Variants in NEGR1 observed in about 807,000 individuals in gnomAD.
NEGR1 encodes neuronal growth regulator 1.
In NEGR1, 10 loss-of-function variants were observed where a neutral mutation model predicts 40.9. That is an observed-to-expected ratio of 0.24 (90% confidence interval 0.15 to 0.42). The LOEUF is 0.42. NEGR1 is among the 10% of genes least tolerant of loss of function. The pLI is 1.00. For synonymous variants in NEGR1, 185 were observed against 166.8 expected (o/e 1.11, Z -0.84); for missense variants, 352 against 438.9 (o/e 0.80, Z 1.77).
chr1:71,931,255 C>T (rs1049513960), intron 2 of NEGR1, among the ~76,000 whole-genome samples: 15 of 152,084 alleles, frequency 9.9e-5, no homozygotes, highest in Non-Finnish European at 2.1e-4. Flanking sequence ...AGTGTATTTC[C>T]TTGAAAGGGA....
At chr1:71,658,368 C>G (rs2101588296) in intron 4 of NEGR1, among the ~76,000 whole-genome samples, 1 of 152,162 alleles carries the variant, frequency 6.6e-6, no homozygotes, top group African/African-American at 2.4e-5. Flanking sequence ...ATTAATTTGG[C>G]AATAACTATT....
At chr1:72,050,731 A>T (rs1030055799) in intron 1 of NEGR1, among the ~76,000 whole-genome samples, 2 of 151,456 alleles carry the variant, frequency 1.3e-5, no homozygotes, top group Non-Finnish European at 3.0e-5. Flanking sequence ...CTGTGTTTAT[A>T]ATAGGATATT....
At chr1:71,621,651 C>T (rs902311822) in intron 4 of NEGR1, among the ~76,000 whole-genome samples, 1 of 151,712 alleles carries the variant, frequency 6.6e-6, no homozygotes, top group Non-Finnish European at 1.5e-5. Flanking sequence ...TATATGACTA[C>T]ATATGAATTC....
chr1:72,231,290 T>G (rs897786981), intron 1 of NEGR1, among the ~76,000 whole-genome samples: 3 of 152,180 alleles, frequency 2.0e-5, no homozygotes, highest in African/African-American at 7.2e-5. Flanking sequence ...TCCTCCTCTT[T>G]ACAACCTTTT....
chr1:71,917,922 A>G (rs1404399832), intron 2 of NEGR1, among the ~76,000 whole-genome samples: 1 of 150,826 alleles, frequency 6.6e-6, no homozygotes, highest in Admixed American at 6.6e-5. Flanking sequence ...CAACGTTAAA[A>G]GAAGAACACA....
intron 6 of NEGR1, among the ~76,000 whole-genome samples, chr1:71,556,356 G>A (rs1004010356): frequency 6.6e-6 from 1 of 151,500 alleles, no homozygotes; most frequent in African/African-American, 2.4e-5. Context: ...AGTGGAAAAA[G>A]TTTGCTGAAG....
chr1:71,491,326 T>C (rs1210110619), intron 6 of NEGR1, among the ~76,000 whole-genome samples: 2 of 152,042 alleles, frequency 1.3e-5, no homozygotes, highest in South Asian at 2.1e-4. Flanking sequence ...GGTTTTGATA[T>C]CCAAGGGAGG....
chr1:71,859,665 C>T (rs1172602064), intron 2 of NEGR1, among the ~76,000 whole-genome samples: 1 of 151,998 alleles, frequency 6.6e-6, no homozygotes, highest in Non-Finnish European at 1.5e-5. Flanking sequence ...TTTGCTGCCC[C>T]TAGATCCAAC....
chr1:71,720,679 A>T (rs532181310), intron 3 of NEGR1, among the ~76,000 whole-genome samples: 80 of 152,238 alleles, frequency 5.3e-4, no homozygotes, highest in African/African-American at 1.9e-3. Flanking sequence ...TTCTTTGATA[A>T]ATTTGTCAGA....
intron 1 of NEGR1, among the ~76,000 whole-genome samples, chr1:72,211,864 A>G (rs1317751693): frequency 6.6e-6 from 1 of 151,852 alleles, no homozygotes; most frequent in African/African-American, 2.4e-5. Flanking sequence ...GAGATAAACC[A>G]TAGACTCTGC....
At chr1:72,075,248 G>A (rs1569920293) in intron 1 of NEGR1, among the ~76,000 whole-genome samples, 1 of 151,992 alleles carries the variant, frequency 6.6e-6, no homozygotes, top group African/African-American at 2.4e-5. Flanking sequence ...GCAAATAGAT[G>A]GTACAGTTTT....
chr1:72,029,979 T>G (rs1646843120), intron 1 of NEGR1, among the ~76,000 whole-genome samples: 1 of 152,128 alleles, frequency 6.6e-6, no homozygotes, highest in Non-Finnish European at 1.5e-5. Context: ...CTAATTTCTT[T>G]CTTTCTCACA....
chr1:72,228,889 C>T (rs1654273376), intron 1 of NEGR1, among the ~76,000 whole-genome samples: 1 of 152,032 alleles, frequency 6.6e-6, no homozygotes, highest in African/African-American at 2.4e-5. Flanking sequence ...GCAAGAGAAT[C>T]ATGACAAAAA....
chr1:71,787,013 C>T (rs1252962474), intron 2 of NEGR1, among the ~76,000 whole-genome samples: 2 of 152,176 alleles, frequency 1.3e-5, no homozygotes, highest in Non-Finnish European at 2.9e-5. Flanking sequence ...CATGGAGAGA[C>T]TGTGATAACA....
At chr1:71,502,403 C>T (rs1647005440) in intron 6 of NEGR1, among the ~76,000 whole-genome samples, 1 of 152,122 alleles carries the variant, frequency 6.6e-6, no homozygotes, top group African/African-American at 2.4e-5. Flanking sequence ...GTGTAACTGC[C>T]CCAGGTGTGC....
At chr1:71,936,653 T>C (rs1179460354) in intron 1 of NEGR1, among the ~76,000 whole-genome samples, 1 of 152,134 alleles carries the variant, frequency 6.6e-6, no homozygotes, top group South Asian at 2.1e-4. Flanking sequence ...CCATGAGATA[T>C]ATGGTAAAAG....
chr1:71,569,557 CT>C (rs1419673760), intron 6 of NEGR1, among the ~76,000 whole-genome samples: 11 of 152,256 alleles, frequency 7.2e-5, no homozygotes, highest in African/African-American at 2.6e-4. Context: ...CAGTAATGAT[CT>C]AGACTACCGT....
intron 4 of NEGR1, among the ~76,000 whole-genome samples, chr1:71,644,536 T>C (rs1651468357): frequency 6.6e-6 from 1 of 151,960 alleles, no homozygotes; most frequent in Non-Finnish European, 1.5e-5. Context: ...TCTGCTTTAT[T>C]TATTCATGTA....
chr1:71,799,543 C>A (rs1657477476), intron 2 of NEGR1, among the ~76,000 whole-genome samples: 1 of 152,104 alleles, frequency 6.6e-6, no homozygotes, highest in Admixed American at 6.5e-5. Flanking sequence ...GATTTATAAT[C>A]CTTTGGGTAT....
Sources: gnomAD v4.1 joint callset for allele counts (sites outside exome capture counted in the v4.1 genomes callset) on GRCh38, gnomAD v4.1.1 for gene constraint, MANE v1.5 for transcripts, NCBI Gene and HGNC (gene_info 2026-07-23, HGNC 2026-07-21) for gene names.